ITCH: variants seen among roughly 807,000 people sequenced by gnomAD.
ITCH encodes itchy E3 ubiquitin protein ligase, also known as E3 ubiquitin-protein ligase Itchy homolog.
ITCH carries 28 observed loss-of-function variants against 126.8 expected under a neutral mutation model. The ratio of observed to expected loss-of-function variants is 0.22; its 90% CI spans 0.16 to 0.30. The LOEUF (loss-of-function observed/expected upper bound fraction) is 0.30, where lower values mean the gene tolerates loss of function less well. ITCH is among the 10% of genes least tolerant of loss of function. The pLI is 1.00. For synonymous variants in ITCH, 342 were observed against 340.0 expected (o/e 1.01, Z -0.06); for missense variants, 631 against 1,032.4 (o/e 0.61, Z 5.33).
At chr20:34,505,752 C>T (rs1256724896) in intron 24 of ITCH, among the ~76,000 whole-genome samples, 1 of 152,014 alleles carries the variant, frequency 6.6e-6, no homozygotes, top group African/African-American at 2.4e-5. Flanking sequence ...GACGGGGTTT[C>T]ACCATGTTCG....
chr20:34,476,309 A>G (rs1020195235), intron 16 of ITCH: 1 of 1,020,536 alleles, frequency 9.8e-7, no homozygotes, highest in African/African-American at 1.6e-5. Flanking sequence ...GCCCCTGCCG[A>G]CACGCTCAGC....
intron 23 of ITCH, among the ~76,000 whole-genome samples, chr20:34,492,985 G>A (rs1989622025): frequency 6.6e-6 from 1 of 152,184 alleles, no homozygotes; most frequent in Non-Finnish European, 1.5e-5. Flanking sequence ...TCTTCCCTGG[G>A]AGACTGGGAG....
chr20:34,396,501 C>T (rs375590853), intron 3 of ITCH, among the ~76,000 whole-genome samples: 2 of 151,870 alleles, frequency 1.3e-5, no homozygotes, highest in East Asian at 3.9e-4. Flanking sequence ...TATGTTTTAT[C>T]CATTTAATTT....
intron 6 of ITCH, among the ~76,000 whole-genome samples, chr20:34,422,131 TA>T (rs1231919994): frequency 1.3e-5 from 2 of 152,254 alleles, no homozygotes; most frequent in African/African-American, 4.8e-5. Flanking sequence ...AGCACTGTGC[TA>T]AATGTTTACA....
intron 2 of ITCH, among the ~76,000 whole-genome samples, chr20:34,378,421 A>G (rs1453087563): frequency 7.1e-6 from 1 of 141,690 alleles, no homozygotes; most frequent in Admixed American, 7.8e-5. Flanking sequence ...TGCAGTGAGC[A>G]GAGATTGCGC....
intron 7 of ITCH, among the ~76,000 whole-genome samples, chr20:34,429,862 A>T (rs1006687601): frequency 5.9e-5 from 9 of 152,186 alleles, no homozygotes; most frequent in Non-Finnish European, 1.2e-4. Context: ...AAGAAATAAT[A>T]TTTGACCTAA....
At position 34,511,695 on chromosome 20, in the gene ITCH, A is replaced by G. The variant is rs1335362051; in HGVS notation, c.*3901A>G. Among the ~76,000 whole-genome samples, 2 of 152,184 alleles carry G rather than the reference A, an allele frequency of 1.3e-5. No homozygotes were observed. Among genetic ancestry groups the G allele is most frequent in the East Asian group, 1.9e-4 (1 of 5,202 alleles). On this transcript the variant is annotated 3_prime_UTR_variant, in exon 25 of 25. Coordinates refer to ENST00000374864, the MANE Select transcript of ITCH (RefSeq NM_031483.7). ...ATCCCAAGACCAACTCAAAACTACAAAGTTTTCCAGAGCTTATTTACATTA... is the reference window on the plus strand; with the variant it reads ...ATCCCAAGACCAACTCAAAACTACAGAGTTTTCCAGAGCTTATTTACATTA...
intron 5 of ITCH, 123 bp downstream of exon 5, chr20:34,412,762 AT>A: frequency 1.3e-6 from 1 of 769,794 alleles, no homozygotes; most frequent in South Asian, 1.6e-5. Context: ...TGGTTATAGG[AT>A]GAACAGATAG....
chr20:34,364,847 C>T (rs1183961845), intron 1 of ITCH, among the ~76,000 whole-genome samples: 2 of 140,998 alleles, frequency 1.4e-5, no homozygotes, highest in Non-Finnish European at 3.0e-5. Context: ...GCCGAGATCT[C>T]GCTGCTGCAC....
intron 1 of ITCH, among the ~76,000 whole-genome samples, chr20:34,365,538 C>G (rs6142147): frequency 0.26 from 39,979 of 152,022 alleles, 6,689 homozygotes; most frequent in Admixed American, 0.48. Flanking sequence ...CCTCAGCCTC[C>G]GTAGTAGCTG....
At position 34,492,485 on chromosome 20, in the gene ITCH, A is replaced by C; in HGVS notation, c.2320-16A>C. 7.2e-7 allele frequency: 1 copy of C among 1,386,978 alleles called. No homozygotes were observed. Among genetic ancestry groups the C allele is most frequent in the South Asian group, 1.2e-5 (1 of 86,580 alleles). 85.9% of individuals were successfully genotyped at this position (1,386,978 alleles called of 1,614,324 possible). The stretch of plus-strand genomic sequence containing the variant: ...AACATATGACATATATATCTCTTTA[A>C]ATATACTTTTAACAGTTTGTTAAAG... On this transcript the variant is annotated splice_polypyrimidine_tract_variant and intron_variant, in intron 22 of 24. Coordinates refer to ENST00000374864, the MANE Select transcript of ITCH (RefSeq NM_031483.7).
intron 5 of ITCH, 122 bp downstream of exon 5, chr20:34,412,761 G>C (rs138060007): frequency 1.3e-6 from 1 of 779,808 alleles, no homozygotes; most frequent in East Asian, 2.6e-5. Context: ...TTGGTTATAG[G>C]ATGAACAGAT....
At position 34,413,726 on chromosome 20, in the gene ITCH, C is replaced by T; in HGVS notation, c.338-16C>T. On this transcript the variant is annotated splice_polypyrimidine_tract_variant and intron_variant, in intron 5 of 24. Coordinates refer to ENST00000374864, the MANE Select transcript of ITCH (RefSeq NM_031483.7). The stretch of plus-strand genomic sequence containing the variant: ...AAAAAAGTGACCATTTTTTCTGTAA[C>T]TTTATTTTCTTCCAGTTGAAGAAGT... 1 of 1,589,788 alleles carries T rather than the reference C, an allele frequency of 6.3e-7. No homozygotes were observed. Among genetic ancestry groups the T allele is most frequent in the South Asian group, 1.1e-5 (1 of 87,434 alleles).
At chr20:34,474,653 T>C (rs1987968770) in intron 16 of ITCH, among the ~76,000 whole-genome samples, 1 of 152,252 alleles carries the variant, frequency 6.6e-6, no homozygotes, top group Admixed American at 6.5e-5. Context: ...ATTGTCATCA[T>C]GGCCCGTTCT....
At chr20:34,401,816 A>G (rs1216681795) in intron 3 of ITCH, among the ~76,000 whole-genome samples, 3 of 152,168 alleles carry the variant, frequency 2.0e-5, no homozygotes, top group African/African-American at 4.8e-5. Context: ...AGCAGCTTCA[A>G]CAATTCCAAT....
At chr20:34,373,656 AT>A (rs201515990) in intron 2 of ITCH, among the ~76,000 whole-genome samples, 79 of 147,972 alleles carry the variant, frequency 5.3e-4, no homozygotes, top group East Asian at 5.1e-3. Flanking sequence ...AGCAACTCGC[AT>A]TTTTTTTTTC....
At chr20:34,501,299 T>C (rs565443121) in intron 23 of ITCH, among the ~76,000 whole-genome samples, 1 of 152,376 alleles carries the variant, frequency 6.6e-6, no homozygotes, top group East Asian at 1.9e-4. Flanking sequence ...AAAATACTTA[T>C]ACATAGCCTT....
At chr20:34,446,010 A>G (rs1386722490) in intron 11 of ITCH, among the ~76,000 whole-genome samples, 1 of 152,202 alleles carries the variant, frequency 6.6e-6, no homozygotes, top group Non-Finnish European at 1.5e-5. Context: ...TCCCTTCTAG[A>G]AACAAATGGT....
intron 23 of ITCH, among the ~76,000 whole-genome samples, chr20:34,502,699 C>CA (rs1388393941): frequency 0.012 from 1,587 of 127,630 alleles, 34 homozygotes; most frequent in African/African-American, 0.043. Context: ...GACTCCGCCT[C>CA]AAAAAAAAAA....
Sources: allele counts gnomAD v4.1 joint callset (sites outside exome capture counted in the v4.1 genomes callset), GRCh38; gene constraint gnomAD v4.1.1; transcripts MANE v1.5; gene names NCBI Gene and HGNC (gene_info 2026-07-23, HGNC 2026-07-21).